The following SLC39A11 variants were observed in gnomAD, a reference collection of about 807,000 sequenced individuals.
SLC39A11 encodes solute carrier family 39 member 11.
Under a neutral mutation model 36.1 loss-of-function variants are expected in SLC39A11, and 33 were observed. The ratio of observed to expected loss-of-function variants is 0.91; its 90% CI spans 0.69 to 1.22. The LOEUF (loss-of-function observed/expected upper bound fraction) is 1.22. Among genes scored for constraint, SLC39A11 ranks in the 50% most tolerant of loss-of-function variants. The pLI, the probability that SLC39A11 is intolerant of heterozygous loss-of-function variation, is 0.00. For synonymous variants in SLC39A11, 166 were observed against 170.3 expected, an observed-to-expected ratio of 0.97 and a Z score of 0.20; for missense variants, 432 against 430.3, an observed-to-expected ratio of 1.00 and a Z score of -0.03.
chr17:73,010,408 T>G lies in SLC39A11; in HGVS notation c.306+21148A>C, dbSNP rs149259251. On this transcript the variant is annotated intron_variant, in intron 4 of 9. Coordinates refer to ENST00000255559, the MANE Select transcript of SLC39A11 (RefSeq NM_139177.4). ...AGGAAGATACTTGAATTATGGAGAA[T>G]GAAACATAACCCAGTAACTAAACAA... Among the ~76,000 whole-genome samples, 8 of 152,310 alleles carry G rather than the reference T, an allele frequency of 5.3e-5. No individual in the cohort carries two copies. In the East Asian group the frequency reaches 1.5e-3, roughly 29 times the overall value.
intron 6 of SLC39A11, among the ~76,000 whole-genome samples, chr17:72,752,794 A>C (rs2075204180): frequency 6.6e-6 from 1 of 152,144 alleles, no homozygotes; most frequent in Non-Finnish European, 1.5e-5. Context: ...GTATTTAAGA[A>C]GACTTTTCTC....
chr17:73,084,884 C>A (rs754403849), intron 2 of SLC39A11, 38 bp from the exon 3 acceptor site: 16 of 1,609,082 alleles, frequency 9.9e-6, no homozygotes, highest in Non-Finnish European at 1.3e-5. Context: ...TTCCAAGAGA[C>A]AATAAGATGA....
intron 4 of SLC39A11, among the ~76,000 whole-genome samples, chr17:73,029,667 C>T (rs1449093060): frequency 1.3e-5 from 2 of 151,992 alleles, no homozygotes; most frequent in Non-Finnish European, 2.9e-5. Context: ...CTGCAACCTC[C>T]ACCTCCCAGG....
At chr17:73,053,187 A>G (rs1370328150) in intron 3 of SLC39A11, among the ~76,000 whole-genome samples, 1 of 152,134 alleles carries the variant, frequency 6.6e-6, no homozygotes, top group Non-Finnish European at 1.5e-5. Context: ...CCCCATCTCA[A>G]ACAAAACAAC....
At chr17:72,728,120 T>C (rs2074008328) in intron 7 of SLC39A11, among the ~76,000 whole-genome samples, 2 of 152,166 alleles carry the variant, frequency 1.3e-5, no homozygotes, top group South Asian at 4.1e-4. Flanking sequence ...ACAGGGATTG[T>C]GTCCACTAAA....
At chr17:72,672,056 C>T (rs1312289573) in intron 7 of SLC39A11, among the ~76,000 whole-genome samples, 1 of 151,904 alleles carries the variant, frequency 6.6e-6, no homozygotes, top group African/African-American at 2.4e-5. Flanking sequence ...AACACACACA[C>T]ACACAGATGG....
chr17:72,918,835 G>A (rs1328923428), intron 5 of SLC39A11, among the ~76,000 whole-genome samples: 2 of 152,074 alleles, frequency 1.3e-5, no homozygotes, highest in African/African-American at 4.8e-5. Flanking sequence ...GGTTGAGGTG[G>A]GTAGATCACT....
At chr17:72,834,979 T>A (rs1179902121) in intron 6 of SLC39A11, among the ~76,000 whole-genome samples, 1 of 152,226 alleles carries the variant, frequency 6.6e-6, no homozygotes, top group Non-Finnish European at 1.5e-5. Context: ...TGTCTAAAAG[T>A]TTCCCTGCCA....
chr17:72,700,839 T>A (rs1190074819), intron 7 of SLC39A11, among the ~76,000 whole-genome samples: 1 of 152,026 alleles, frequency 6.6e-6, no homozygotes, highest in African/African-American at 2.4e-5. Flanking sequence ...AACCATCAGA[T>A]CTCCTGAGAC....
At chr17:72,841,567 TCGGGGGA>T (rs1227328416) in intron 6 of SLC39A11, among the ~76,000 whole-genome samples, 5 of 151,300 alleles carry the variant, frequency 3.3e-5, no homozygotes, top group Non-Finnish European at 7.4e-5. Flanking sequence ...AGTCGGGGAG[TCGGGGGA>T]AAGTAGTGAT....
intron 6 of SLC39A11, among the ~76,000 whole-genome samples, chr17:72,827,622 C>T (rs1402667229): frequency 6.6e-6 from 1 of 152,162 alleles, no homozygotes; most frequent in African/African-American, 2.4e-5. Flanking sequence ...TGGGAAGGGA[C>T]CAACAGGGGT....
chr17:72,855,272 C>G (rs2079578495), intron 5 of SLC39A11, among the ~76,000 whole-genome samples: 1 of 152,174 alleles, frequency 6.6e-6, no homozygotes, highest in African/African-American at 2.4e-5. Context: ...CCCAATCACA[C>G]CAGCAACACA....
chr17:72,853,267 A>C (rs1386327104), intron 5 of SLC39A11, among the ~76,000 whole-genome samples: 1 of 150,184 alleles, frequency 6.7e-6, no homozygotes, highest in Non-Finnish European at 1.5e-5. Context: ...GACTCAAGCG[A>C]TCCACCTGCC....
At chr17:72,840,782 G>A (rs2078770191) in intron 6 of SLC39A11, among the ~76,000 whole-genome samples, 1 of 151,616 alleles carries the variant, frequency 6.6e-6, no homozygotes, top group African/African-American at 2.4e-5. Context: ...TTGGCTGGGT[G>A]CAGTGGCTCA....
chr17:72,775,427 C>T (rs1285134067), intron 6 of SLC39A11, among the ~76,000 whole-genome samples: 2 of 152,184 alleles, frequency 1.3e-5, no homozygotes, highest in African/African-American at 4.8e-5. Flanking sequence ...TCTAGCACTG[C>T]CTCCTGGAGG....
At chr17:72,946,896 T>C (rs2085463893) in intron 5 of SLC39A11, among the ~76,000 whole-genome samples, 3 of 152,154 alleles carry the variant, frequency 2.0e-5, no homozygotes, top group Admixed American at 2.0e-4. Context: ...TCTGCATCTC[T>C]CCCCACCCAG....
In SLC39A11 at chr17:72,648,834, T is replaced by C. The variant is rs2069707194; in HGVS notation, c.898A>G (p.Met300Val). The change falls in exon 9 of 10, where the codon ATG becomes GTG. Residue 300 changes from methionine to valine, a missense_variant. Transcript: ENST00000255559. ...FAAGAMVYVV[M>V]DDIIPEAQIS... is the part of the protein sequence containing the mutation. Reference sequence around the variant, plus strand: ...TGGGCTTCGGGGATGATGTCGTCCATGACCACGTAGACCATGGCACCGGCA... The same window carrying C: ...TGGGCTTCGGGGATGATGTCGTCCACGACCACGTAGACCATGGCACCGGCA... 4 of 1,614,116 alleles carry C rather than the reference T, an allele frequency of 2.5e-6. No homozygotes were observed. In the South Asian group the frequency reaches 3.3e-5, roughly 13 times the overall value.
At chr17:73,015,546 G>A (rs780549304) in intron 4 of SLC39A11, among the ~76,000 whole-genome samples, 30 of 152,030 alleles carry the variant, frequency 2.0e-4, no homozygotes, top group Non-Finnish European at 3.5e-4. Flanking sequence ...AAACTGCCAC[G>A]TGGAACAGCA....
intron 5 of SLC39A11, among the ~76,000 whole-genome samples, chr17:72,909,769 G>A (rs995016371): frequency 1.2e-4 from 18 of 144,260 alleles, no homozygotes; most frequent in Admixed American, 4.3e-4. Context: ...TTTTTGAGAC[G>A]GAGTCTCGCT....
Sources: gnomAD v4.1 joint callset for allele counts (sites outside exome capture counted in the v4.1 genomes callset) on GRCh38, gnomAD v4.1.1 for gene constraint, MANE v1.5 for transcripts, NCBI Gene and HGNC (gene_info 2026-07-23, HGNC 2026-07-21) for gene names.